Variants in DNAJB12 observed in about 807,000 individuals in gnomAD.
DNAJB12 encodes the protein dnaJ homolog subfamily B member 12.
A neutral mutation model predicts 40.6 loss-of-function variants in DNAJB12; 14 were observed. The observed-to-expected ratio is 0.34, with a 90% CI of 0.23 to 0.54. DNAJB12 has a LOEUF of 0.54. DNAJB12 is among the 20% of genes least tolerant of loss of function. The pLI, the probability that DNAJB12 is intolerant of heterozygous loss-of-function variation, is 0.92. For missense variants in DNAJB12, 444 were observed against 501.7 expected (o/e 0.89, Z 1.10); for synonymous variants, 181 against 199.5 (o/e 0.91, Z 0.78).
chr10:72,339,485 G>T (rs1861570568), intron 5 of DNAJB12, among the ~76,000 whole-genome samples: 2 of 151,664 alleles, frequency 1.3e-5, no homozygotes, highest in South Asian at 4.2e-4. Context: ...AGTGAGCCAA[G>T]ATTGTGCCAC....
chr10:72,339,232 C>T (rs1490804198), intron 5 of DNAJB12, among the ~76,000 whole-genome samples: 3 of 101,782 alleles, frequency 2.9e-5, no homozygotes, highest in Non-Finnish European at 5.9e-5. Flanking sequence ...GAACGAGACC[C>T]TGTCTCAAAA....
At chr10:72,341,240 G>A in intron 3 of DNAJB12, 70 bp from the exon 4 acceptor site, 1 of 1,465,238 alleles carries the variant, frequency 6.8e-7, no homozygotes, top group Non-Finnish European at 9.3e-7. Context: ...TGGCAGCCGA[G>A]TGCTCACTTT....
At chr10:72,348,899 C>G (rs1861866091) in intron 1 of DNAJB12, among the ~76,000 whole-genome samples, 1 of 152,178 alleles carries the variant, frequency 6.6e-6, no homozygotes. Context: ...CCTACCCCAC[C>G]CCACTGTAGG....
chr10:72,345,649 G>T (rs1861766960), intron 1 of DNAJB12, among the ~76,000 whole-genome samples: 1 of 150,898 alleles, frequency 6.6e-6, no homozygotes, highest in Admixed American at 6.6e-5. Flanking sequence ...GAGGCGGGCG[G>T]ATCACCTGAG....
chr10:72,335,714 T>TC lies in DNAJB12; in HGVS notation c.*30+65dup. 6.4e-7 allele frequency: 1 copy of TC among 1,557,952 alleles called. No individual in the cohort carries two copies. The highest frequency in any genetic ancestry group is 2.3e-5 in the East Asian group (1 of 43,782). ...GGCTTCCTCCCTTTCTCCCCCTCCCTCCTCTGCTCATGACCAGGGCCAAAG... is the reference window on the plus strand; with the variant it reads ...GGCTTCCTCCCTTTCTCCCCCTCCCTCCCTCTGCTCATGACCAGGGCCAAAG... On this transcript the variant is annotated intron_variant, in intron 8 of 8. Coordinates refer to ENST00000444643, the MANE Select transcript of DNAJB12 (RefSeq NM_017626.7). The surrounding 1 kb of genome is among the most constrained non-coding windows in gnomAD (Gnocchi z 4.4).
At position 72,343,717 on chromosome 10, in the gene DNAJB12, A is replaced by G. The variant is rs368166812; in HGVS notation, c.312-206T>C. Reference sequence around the variant, plus strand: ...ATGTGATGCAGAGCTGGGCAGGACCACGGGAAACAGAAGAACACCGTCTGG... The same window carrying G: ...ATGTGATGCAGAGCTGGGCAGGACCGCGGGAAACAGAAGAACACCGTCTGG... On this transcript the variant is annotated intron_variant, in intron 2 of 8. Transcript: ENST00000444643. 7.9e-4 allele frequency among the ~76,000 whole-genome samples: 120 copies of G among 152,152 alleles called. 2 individuals are homozygous for G. The South Asian group carries it at 0.024, about 30-fold the overall frequency.
At chr10:72,342,066 T>G (rs1036454639) in intron 3 of DNAJB12, among the ~76,000 whole-genome samples, 1 of 152,234 alleles carries the variant, frequency 6.6e-6, no homozygotes, top group African/African-American at 2.4e-5. Flanking sequence ...ATATCCTTAT[T>G]GTGAACTGGA....
At position 72,336,569 on chromosome 10, in the gene DNAJB12, A is replaced by C; in HGVS notation, c.961T>G (p.Tyr321Asp). The change falls in exon 7 of 9, where the codon TAT becomes GAT. Residue 321 changes from tyrosine (Y) to aspartate (D), a missense_variant. By Grantham distance (160) the Tyr-to-Asp change is radical. Coordinates refer to ENST00000444643, the MANE Select transcript of DNAJB12 (RefSeq NM_017626.7). ...CAGTTGTTCCGGAGGTTGGCGATATAATCATCTTCCACATTCCGCTCGACT... is the reference window on the plus strand; with the variant it reads ...CAGTTGTTCCGGAGGTTGGCGATATCATCATCTTCCACATTCCGCTCGACT... ...KTVERNVEDD[Y>D]IANLRNNCWK... The C allele has an allele frequency of 6.2e-7, 1 of 1,614,088 alleles. No homozygotes were observed. The highest frequency in any genetic ancestry group is 8.5e-7 in the Non-Finnish European group (1 of 1,179,988).
intron 2 of DNAJB12, 70 bp downstream of exon 2, chr10:72,344,880 A>T: frequency 6.4e-7 from 1 of 1,571,512 alleles, no homozygotes; most frequent in Non-Finnish European, 8.7e-7. Flanking sequence ...TGGGAGGTGG[A>T]GGACATGCTC....
intron 6 of DNAJB12, among the ~76,000 whole-genome samples, chr10:72,337,937 G>A (rs7903908): frequency 3.8e-4 from 58 of 152,150 alleles, no homozygotes; most frequent in African/African-American, 1.1e-3. Flanking sequence ...CATGTGTATC[G>A]TGTGTGTGTA....
chr10:72,350,325 G>A (rs1486439440), intron 1 of DNAJB12, among the ~76,000 whole-genome samples: 1 of 150,944 alleles, frequency 6.6e-6, no homozygotes, highest in East Asian at 2.0e-4. Context: ...CTTGGGCCTG[G>A]GTGGTTGAGG....
intron 1 of DNAJB12, among the ~76,000 whole-genome samples, 163 bp downstream of exon 1, chr10:72,354,602 A>C (rs774140169): frequency 2.0e-5 from 3 of 152,234 alleles, no homozygotes; most frequent in Non-Finnish European, 4.4e-5. Context: ...CAGAGGAACA[A>C]GAGGGAAAAA....
intron 1 of DNAJB12, chr10:72,353,470 G>C (rs1350844777): frequency 6.6e-6 from 1 of 152,270 alleles, no homozygotes; most frequent in African/African-American, 2.4e-5. Context: ...CCAGCGTTCC[G>C]CTTTCTCAAT....
intron 6 of DNAJB12, chr10:72,336,976 T>C (rs967682365): frequency 3.0e-5 from 9 of 301,060 alleles, no homozygotes; most frequent in Admixed American, 9.6e-5. Context: ...TCTAGGGAAC[T>C]GGAGACCTGA....
intron 2 of DNAJB12, among the ~76,000 whole-genome samples, chr10:72,344,601 T>C (rs1861730418): frequency 6.6e-6 from 1 of 152,234 alleles, no homozygotes; most frequent in South Asian, 2.1e-4. Context: ...GGGTAGAATC[T>C]GGAGGGGGAG....
Position 72,333,581 on chromosome 10 carries a change from G to A in DNAJB12, c.*1067C>T, listed in dbSNP as rs1267495084. 6.5e-6 allele frequency: 1 copy of A among 152,714 alleles called. No homozygotes were observed. The highest frequency in any genetic ancestry group is 1.5e-5 in the Non-Finnish European group (1 of 68,090). 9.5% of individuals were successfully genotyped at this position (152,714 alleles called of 1,614,324 possible). ...GAACTTTCTGAAGTCCTTGGTGCAT[G>A]ACTTAGGAAAAACCAGTGGCAATGA... is the stretch of plus-strand genomic sequence containing the variant. On this transcript the variant is annotated 3_prime_UTR_variant, in exon 9 of 9. Transcript: ENST00000444643.
intron 6 of DNAJB12, 44 bp from the exon 7 acceptor site, chr10:72,336,740 C>T: frequency 6.3e-7 from 1 of 1,576,502 alleles, no homozygotes; most frequent in Non-Finnish European, 8.7e-7. Context: ...GGTCCCCATG[C>T]CCAGGGCACT....
chr10:72,336,468 C>T, intron 7 of DNAJB12, 56 bp downstream of exon 7: 1 of 1,570,048 alleles, frequency 6.4e-7, no homozygotes, highest in East Asian at 2.2e-5. Context: ...CCCTGCTTTC[C>T]AGCTTCATCC....
In DNAJB12 at chr10:72,333,380, T is replaced by C. The variant is rs920011979; in HGVS notation, c.*1268A>G. The C allele has an allele frequency of 6.6e-6, 1 of 152,208 alleles. No individual in the cohort carries two copies. The highest frequency in any genetic ancestry group is 1.5e-5 in the Non-Finnish European group (1 of 68,032). 9.4% of individuals were successfully genotyped at this position (152,208 alleles called of 1,614,324 possible). A position where few individuals can be genotyped will look rare whatever the true frequency, so the allele number is the denominator to read the frequency against. On this transcript the variant is annotated 3_prime_UTR_variant, in exon 9 of 9. Coordinates refer to ENST00000444643, the MANE Select transcript of DNAJB12 (RefSeq NM_017626.7). ...GTTTTAAGCAAAATCCTCATTTCAA[T>C]GTGAGGGTAAGAAAACTATTCTGGT...
Sources: gnomAD v4.1 joint callset for allele counts (sites outside exome capture counted in the v4.1 genomes callset) on GRCh38, gnomAD v4.1.1 for gene constraint, Gnocchi (gnomAD v3.1) non-coding constraint, MANE v1.5 for transcripts, NCBI Gene and HGNC (gene_info 2026-07-23, HGNC 2026-07-21) for gene names.